The following MESD variants were observed in gnomAD, a reference collection of about 807,000 sequenced individuals.
MESD encodes mesoderm development LRP chaperone.
A neutral mutation model predicts 12.9 loss-of-function variants in MESD; 7 were observed. The observed-to-expected ratio is 0.54, with a 90% CI of 0.31 to 1.02. The LOEUF (loss-of-function observed/expected upper bound fraction) is 1.02, where lower values mean the gene tolerates loss of function less well. MESD is among the 50% of genes least tolerant of loss of function. MESD has a pLI of 0.05. For synonymous variants in MESD, 126 were observed against 115.6 expected, an observed-to-expected ratio of 1.09 and a Z score of -0.58; for missense variants, 342 against 296.7, an observed-to-expected ratio of 1.15 and a Z score of -1.12.
downstream of MESD, among the ~76,000 whole-genome samples, chr15:80,971,713 A>C (rs1268811893): frequency 1.3e-5 from 2 of 151,998 alleles, no homozygotes; most frequent in Non-Finnish European, 2.9e-5. Context: ...TGCAGCCTCT[A>C]TCTCTCAGGT....
At chr15:80,956,867 G>A (rs1901998618) in intron 3 of MESD, among the ~76,000 whole-genome samples, 1 of 151,886 alleles carries the variant, frequency 6.6e-6, no homozygotes, top group Admixed American at 6.6e-5. Flanking sequence ...ACCCAGGCTG[G>A]AGTGCAGAAG....
At position 80,962,107 on chromosome 15, in the gene MESD, A is replaced by C. The variant is rs77434006; in HGVS notation, c.*289-9811T>G. On this transcript the variant is annotated intron_variant, in intron 3 of 4. Coordinates refer to the MESD transcript ENST00000561312. Reference sequence around the variant, plus strand: ...TATTCAGGAGACCCATCTCACGTGCAGAGATGCACATAAGCTCAAAATAAA... The same window carrying C: ...TATTCAGGAGACCCATCTCACGTGCCGAGATGCACATAAGCTCAAAATAAA... 3.4e-3 allele frequency among the ~76,000 whole-genome samples: 515 copies of C among 152,358 alleles called. 3 individuals are homozygous for C. The highest frequency in any genetic ancestry group is 4.9e-3 in the Admixed American group (75 of 15,296).
Position 80,989,805 on chromosome 15 carries a change from C to A in MESD, c.-14G>T. ...GGAAGCCGCCATTTTCGCTGCGCCG[C>A]GCAGCGCCCTAGACGCGCTTACCCG... On this transcript the variant is annotated 5_prime_UTR_variant, in exon 1 of 3. Coordinates refer to ENST00000261758, the MANE Select transcript of MESD (RefSeq NM_015154.3). 6.4e-7 allele frequency: 1 copy of A among 1,557,144 alleles called. No individual in the cohort carries two copies. Among genetic ancestry groups the A allele is most frequent in the Non-Finnish European group, 8.6e-7 (1 of 1,158,352 alleles).
intron 3 of MESD, among the ~76,000 whole-genome samples, chr15:80,966,041 G>A (rs944628030): frequency 6.6e-6 from 1 of 152,220 alleles, no homozygotes; most frequent in African/African-American, 2.4e-5. Flanking sequence ...TTATTAAAAT[G>A]TTGATAATTA....
downstream of MESD, among the ~76,000 whole-genome samples, chr15:80,972,434 C>T (rs1902308440): frequency 6.6e-6 from 1 of 152,158 alleles, no homozygotes; most frequent in East Asian, 1.9e-4. Context: ...GGGTCAGATG[C>T]CCACCTCTGG....
chr15:80,948,812 T>C (rs1167191124), exon 5 of MESD: 2 of 1,614,070 alleles, frequency 1.2e-6, no homozygotes, highest in African/African-American at 1.3e-5. Flanking sequence ...ATGGCATTCG[T>C]TGGCTTCAAA....
intron 4 of MESD, chr15:80,951,293 T>C (rs1337385832): frequency 6.5e-6 from 1 of 152,676 alleles, no homozygotes; most frequent in Non-Finnish European, 1.5e-5. Context: ...GTTGTACATA[T>C]GTTTCACAGT....
chr15:80,957,654 C>A (rs973796224), intron 3 of MESD, among the ~76,000 whole-genome samples: 1 of 152,046 alleles, frequency 6.6e-6, no homozygotes, highest in South Asian at 2.1e-4. Flanking sequence ...CAGAGACCAA[C>A]AAGTCCTAAG....
At chr15:80,975,486 T>C (rs1488163636), downstream of MESD, among the ~76,000 whole-genome samples, 1 of 152,042 alleles carries the variant, frequency 6.6e-6, no homozygotes, top group Non-Finnish European at 1.5e-5. Flanking sequence ...AGGCGGACAC[T>C]GTGGGTGCAG....
intron 3 of MESD, chr15:80,953,019 A>C (rs992973447): frequency 8.8e-6 from 4 of 456,100 alleles, no homozygotes; most frequent in Admixed American, 4.7e-5. Context: ...AGTGAGTGGA[A>C]GTAGGACAGG....
intron 1 of MESD, among the ~76,000 whole-genome samples, chr15:80,986,652 C>T (rs1380954589): frequency 6.6e-6 from 1 of 152,178 alleles, no homozygotes; most frequent in Non-Finnish European, 1.5e-5. Context: ...ATGCTGAAAA[C>T]AATCCAGTCT....
At chr15:80,963,780 C>T (rs528974733) in intron 3 of MESD, among the ~76,000 whole-genome samples, 14 of 152,248 alleles carry the variant, frequency 9.2e-5, no homozygotes, top group Middle Eastern at 6.8e-3. Flanking sequence ...AATTCACCAG[C>T]CTTTCATGCT....
At chr15:80,969,430 A>G (rs1048003086) in intron 3 of MESD, among the ~76,000 whole-genome samples, 1 of 152,092 alleles carries the variant, frequency 6.6e-6, no homozygotes, top group Non-Finnish European at 1.5e-5. Context: ...TTCAGCACTT[A>G]CATGGGGAGT....
At chr15:80,948,809 T>C in exon 5 of MESD, 1 of 1,614,180 alleles carries the variant, frequency 6.2e-7, no homozygotes, top group South Asian at 1.1e-5. Context: ...CAAATGGCAT[T>C]CGTTGGCTTC....
chr15:80,963,597 C>T (rs1290819614), intron 3 of MESD, among the ~76,000 whole-genome samples: 2 of 152,138 alleles, frequency 1.3e-5, no homozygotes, highest in South Asian at 2.1e-4. Flanking sequence ...ACTGGCAAAC[C>T]GAATCCAGCA....
intron 3 of MESD, among the ~76,000 whole-genome samples, chr15:80,953,259 G>A (rs1349088076): frequency 2.0e-5 from 3 of 152,204 alleles, no homozygotes; most frequent in African/African-American, 7.2e-5. Context: ...TCAGCCAGAA[G>A]TGTCACTGTG....
intron 3 of MESD, among the ~76,000 whole-genome samples, chr15:80,963,733 T>C (rs878962394): frequency 6.6e-6 from 1 of 152,100 alleles, no homozygotes; most frequent in Admixed American, 6.5e-5. Context: ...AAAAACCACA[T>C]GATTATCTCA....
intron 3 of MESD, among the ~76,000 whole-genome samples, chr15:80,961,104 C>A (rs1378366705): frequency 6.6e-6 from 1 of 152,152 alleles, no homozygotes; most frequent in African/African-American, 2.4e-5. Flanking sequence ...CTGGCCCCCA[C>A]TTTTGCAAGC....
chr15:80,971,481 CT>C (rs1596230752), downstream of MESD, among the ~76,000 whole-genome samples: 1 of 152,214 alleles, frequency 6.6e-6, no homozygotes, highest in African/African-American at 2.4e-5. Flanking sequence ...CCCCCTGCCC[CT>C]GATATCTAAT....
Sources: gnomAD v4.1 joint callset for allele counts (sites outside exome capture counted in the v4.1 genomes callset) on GRCh38, gnomAD v4.1.1 for gene constraint, MANE v1.5 for transcripts, NCBI Gene and HGNC (gene_info 2026-07-23, HGNC 2026-07-21) for gene names.